The following ATP6V1H variants were observed in gnomAD, a reference collection of about 807,000 sequenced individuals.
ATP6V1H encodes the protein ATPase H+ transporting V1 subunit H, also known as V-type proton ATPase subunit H.
Under a neutral mutation model 71.7 loss-of-function variants are expected in ATP6V1H, and 39 were observed. The ratio of observed to expected loss-of-function variants is 0.54; its 90% CI spans 0.42 to 0.71. The LOEUF is 0.71. Ranked by LOEUF, ATP6V1H falls within the 30% of genes least tolerant of loss-of-function variation. The pLI is 0.00. For missense variants in ATP6V1H, 509 were observed against 594.9 expected, an observed-to-expected ratio of 0.86 and a Z score of 1.50; for synonymous variants, 192 against 199.3, an observed-to-expected ratio of 0.96 and a Z score of 0.31.
rs1399213480 is a variant in ATP6V1H, at chr8:53,817,432, G to A, written c.405C>T (p.Pro135=). ...CAAAATTTACCATATGAACAGTGAAGGGATCCTGGCGATTCAACATTGGCA... is the reference window on the plus strand; with the variant it reads ...CAAAATTTACCATATGAACAGTGAAAGGATCCTGGCGATTCAACATTGGCA... ...YFLPMLNRQD[P]FTVHMAARII... Residue 135 remains proline (P), a synonymous_variant, in exon 5 of 14, where the codon CCC becomes CCT. Transcript: ENST00000359530. 1 of 1,610,264 alleles carries A rather than the reference G, an allele frequency of 6.2e-7. No individual in the cohort carries two copies. The highest frequency in any genetic ancestry group is 1.7e-5 in the Admixed American group (1 of 59,882).
chr8:53,725,529 C>A (rs139569194), intron 13 of ATP6V1H, among the ~76,000 whole-genome samples: 24 of 149,226 alleles, frequency 1.6e-4, no homozygotes, highest in Non-Finnish European at 3.1e-4. Context: ...TCAATTTCCA[C>A]CTGACAGCTA....
At chr8:53,792,675 C>T (rs1585794028) in intron 9 of ATP6V1H, among the ~76,000 whole-genome samples, 1 of 152,182 alleles carries the variant, frequency 6.6e-6, no homozygotes, top group African/African-American at 2.4e-5. Flanking sequence ...CAGTGAAATT[C>T]CAATCTTTTC....
chr8:53,746,943 T>A (rs745731653), intron 12 of ATP6V1H, among the ~76,000 whole-genome samples: 3 of 152,232 alleles, frequency 2.0e-5, no homozygotes, highest in African/African-American at 4.8e-5. Flanking sequence ...GTCAATAGCA[T>A]GTTAAGCTTT....
intron 6 of ATP6V1H, 111 bp downstream of exon 6, chr8:53,814,551 G>A (rs773704197): frequency 3.7e-5 from 23 of 626,198 alleles, no homozygotes; most frequent in South Asian, 2.2e-4. Flanking sequence ...AGTTCAAAAC[G>A]GCATTATTTT....
At chr8:53,719,440 A>G (rs1301334998) in intron 13 of ATP6V1H, among the ~76,000 whole-genome samples, 2 of 152,204 alleles carry the variant, frequency 1.3e-5, no homozygotes, top group African/African-American at 4.8e-5. Context: ...AAGTGCTAGG[A>G]TCACTGCACC....
chr8:53,805,065 C>A (rs1360976645), intron 7 of ATP6V1H, among the ~76,000 whole-genome samples: 1 of 152,150 alleles, frequency 6.6e-6, no homozygotes, highest in Non-Finnish European at 1.5e-5. Context: ...AACATAAAAA[C>A]ATCAATGATA....
intron 9 of ATP6V1H, among the ~76,000 whole-genome samples, chr8:53,790,579 A>G (rs1809535916): frequency 6.6e-6 from 1 of 152,246 alleles, no homozygotes; most frequent in South Asian, 2.1e-4. Flanking sequence ...CACACGAAAA[A>G]AACTAAAGCA....
chr8:53,760,498 C>T (rs1808233863), intron 11 of ATP6V1H, among the ~76,000 whole-genome samples: 1 of 152,156 alleles, frequency 6.6e-6, no homozygotes, highest in Non-Finnish European at 1.5e-5. Context: ...ATCCACTTGG[C>T]CCTCTTCCAA....
At chr8:53,842,086 GAAAC>G (rs991862531) in intron 1 of ATP6V1H, among the ~76,000 whole-genome samples, 33 of 152,280 alleles carry the variant, frequency 2.2e-4, no homozygotes, top group South Asian at 6.2e-4. Flanking sequence ...TTCTCATAGA[GAAAC>G]AATAAGAATA....
intron 13 of ATP6V1H, among the ~76,000 whole-genome samples, chr8:53,718,167 C>T (rs547295112): frequency 1.3e-5 from 2 of 152,326 alleles, no homozygotes; most frequent in Admixed American, 6.5e-5. Flanking sequence ...TTCACTAATA[C>T]TTAGCAGACA....
intron 11 of ATP6V1H, among the ~76,000 whole-genome samples, chr8:53,761,012 T>C (rs944437810): frequency 5.3e-5 from 8 of 152,120 alleles, no homozygotes; most frequent in Non-Finnish European, 1.0e-4. Flanking sequence ...TAATTTCAAA[T>C]TTCTCATCAT....
At chr8:53,740,921 G>A (rs1475721754) in intron 13 of ATP6V1H, among the ~76,000 whole-genome samples, 1 of 152,168 alleles carries the variant, frequency 6.6e-6, no homozygotes, top group Admixed American at 6.5e-5. Context: ...CAAATACAGA[G>A]ATCACAGGTG....
intron 13 of ATP6V1H, among the ~76,000 whole-genome samples, chr8:53,722,164 T>C (rs1370009757): frequency 6.6e-6 from 1 of 152,252 alleles, no homozygotes; most frequent in East Asian, 1.9e-4. Flanking sequence ...TATCTCTGGC[T>C]ATGCTCAAGA....
intron 11 of ATP6V1H, among the ~76,000 whole-genome samples, chr8:53,766,888 T>C (rs973866156): frequency 6.6e-6 from 1 of 152,218 alleles, no homozygotes; most frequent in African/African-American, 2.4e-5. Flanking sequence ...GCCTTAGTCC[T>C]GTGGTCCTGT....
intron 9 of ATP6V1H, among the ~76,000 whole-genome samples, chr8:53,774,678 G>C (rs949675620): frequency 2.6e-5 from 4 of 151,622 alleles, no homozygotes; most frequent in African/African-American, 9.7e-5. Context: ...AAAGGTAGCA[G>C]AAACTAGAAT....
At chr8:53,765,457 AC>A (rs373323587) in intron 11 of ATP6V1H, among the ~76,000 whole-genome samples, 268 of 11,150 alleles carry the variant, frequency 0.024, no homozygotes, top group Non-Finnish European at 0.2. Context: ...CAACAACAAC[AC>A]ACACACACAC....
chr8:53,759,746 CTTA>C (rs1808199617), intron 11 of ATP6V1H, among the ~76,000 whole-genome samples: 1 of 152,088 alleles, frequency 6.6e-6, no homozygotes, highest in African/African-American at 2.4e-5. Context: ...TCCACGGCTT[CTTA>C]TATTTCAGAA....
chr8:53,842,984 G>T (rs980578115), intron 1 of ATP6V1H, 50 bp downstream of exon 1: 4 of 152,388 alleles, frequency 2.6e-5, no homozygotes, highest in Admixed American at 2.6e-4. Flanking sequence ...TGCAAGAGTC[G>T]CCTGACCTGG....
intron 9 of ATP6V1H, among the ~76,000 whole-genome samples, chr8:53,783,831 T>G (rs1010763710): frequency 1.1e-4 from 16 of 152,328 alleles, no homozygotes; most frequent in African/African-American, 3.6e-4. Flanking sequence ...GGTTGTTCAG[T>G]TTCCATGTAG....
Sources: gnomAD v4.1 joint callset for allele counts (sites outside exome capture counted in the v4.1 genomes callset) on GRCh38, gnomAD v4.1.1 for gene constraint, MANE v1.5 for transcripts, NCBI Gene and HGNC (gene_info 2026-07-23, HGNC 2026-07-21) for gene names.